Variants in PKNOX2 observed in about 807,000 individuals in gnomAD.
PKNOX2 encodes the protein PBX/knotted 1 homeobox 2.
In PKNOX2, 14 loss-of-function variants were observed where a neutral mutation model predicts 53.1. The ratio of observed to expected loss-of-function variants is 0.26; its 90% CI spans 0.17 to 0.41. PKNOX2 has a LOEUF of 0.41. PKNOX2 is among the 10% of genes least tolerant of loss of function. The pLI is 1.00. For missense variants in PKNOX2, 496 were observed against 602.8 expected, an observed-to-expected ratio of 0.82 and a Z score of 1.85; for synonymous variants, 257 against 242.8, an observed-to-expected ratio of 1.06 and a Z score of -0.54.
intron 7 of PKNOX2, among the ~76,000 whole-genome samples, chr11:125,399,813 A>G (rs1954627960): frequency 6.6e-6 from 1 of 152,178 alleles, no homozygotes; most frequent in Non-Finnish European, 1.5e-5. Flanking sequence ...GGGGGAAGGA[A>G]GGAGGGGCAG....
At chr11:125,304,636 C>G (rs1422368632) in intron 2 of PKNOX2, among the ~76,000 whole-genome samples, 1 of 152,150 alleles carries the variant, frequency 6.6e-6, no homozygotes, top group Non-Finnish European at 1.5e-5. Context: ...CATTTTATAT[C>G]AAGAGACTTG....
At chr11:125,336,355 T>C (rs1950431219) in intron 3 of PKNOX2, among the ~76,000 whole-genome samples, 1 of 152,032 alleles carries the variant, frequency 6.6e-6, no homozygotes, top group Non-Finnish European at 1.5e-5. Flanking sequence ...GTTTATCTAT[T>C]TATCTATTAA....
At chr11:125,310,955 A>AT (rs1005369001) in intron 2 of PKNOX2, among the ~76,000 whole-genome samples, 5 of 151,528 alleles carry the variant, frequency 3.3e-5, no homozygotes, top group South Asian at 2.1e-4. Flanking sequence ...TCAATCCCTA[A>AT]TTTTTTTTTC....
intron 2 of PKNOX2, among the ~76,000 whole-genome samples, chr11:125,325,251 T>G (rs1489964007): frequency 6.6e-6 from 1 of 152,222 alleles, no homozygotes; most frequent in Non-Finnish European, 1.5e-5. Context: ...GTTCTTTCCC[T>G]CATTTAATAG....
chr11:125,367,803 C>T, intron 4 of PKNOX2, 43 bp from the exon 5 acceptor site: 1 of 1,591,816 alleles, frequency 6.3e-7, no homozygotes, highest in Middle Eastern at 2.3e-4. Context: ...GACCAGCACC[C>T]TGGCCATGCT....
intron 2 of PKNOX2, among the ~76,000 whole-genome samples, chr11:125,300,601 C>G (rs946097286): frequency 1.3e-5 from 2 of 151,572 alleles, no homozygotes; most frequent in Admixed American, 6.6e-5. Context: ...CAGAGAGAGA[C>G]AGAAAGAGAG....
chr11:125,264,140 G>A (rs1392634075), intron 2 of PKNOX2, among the ~76,000 whole-genome samples: 1 of 152,186 alleles, frequency 6.6e-6, no homozygotes, highest in Non-Finnish European at 1.5e-5. Flanking sequence ...GGAATCCTTA[G>A]AGGTGAAGAT....
At chr11:125,271,467 C>T (rs1454687712) in intron 2 of PKNOX2, among the ~76,000 whole-genome samples, 3 of 152,186 alleles carry the variant, frequency 2.0e-5, no homozygotes, top group African/African-American at 7.2e-5. Flanking sequence ...GGGTTTCTTC[C>T]CTACCTCCAT....
At chr11:125,251,045 G>A (rs963301803) in intron 2 of PKNOX2, among the ~76,000 whole-genome samples, 2 of 152,204 alleles carry the variant, frequency 1.3e-5, no homozygotes, top group African/African-American at 4.8e-5. Flanking sequence ...GGCTGCGGGC[G>A]CCCCTCCACC....
At chr11:125,180,656 CT>C (rs5795446) in intron 1 of PKNOX2, among the ~76,000 whole-genome samples, 62,945 of 151,958 alleles carry the variant, frequency 0.41, 13,089 homozygotes, top group East Asian at 0.46. Context: ...GAAGCTTTGG[CT>C]TTTTTTGCAT....
intron 1 of PKNOX2, among the ~76,000 whole-genome samples, chr11:125,195,120 C>G (rs139258604): frequency 6.6e-6 from 1 of 152,294 alleles, no homozygotes; most frequent in African/African-American, 2.4e-5. Flanking sequence ...GAACTCTTAA[C>G]CACTCCACAA....
chr11:125,298,251 C>T (rs1565490814), intron 2 of PKNOX2, among the ~76,000 whole-genome samples: 1 of 152,186 alleles, frequency 6.6e-6, no homozygotes, highest in African/African-American at 2.4e-5. Context: ...ATAGGATGCT[C>T]TTAAAGCTGG....
intron 5 of PKNOX2, among the ~76,000 whole-genome samples, chr11:125,372,817 C>T (rs977109642): frequency 6.6e-6 from 1 of 152,252 alleles, no homozygotes; most frequent in Non-Finnish European, 1.5e-5. Flanking sequence ...TTCATTCTGT[C>T]AGTCTCATCT....
At chr11:125,179,254 T>G (rs1956013553) in intron 1 of PKNOX2, among the ~76,000 whole-genome samples, 1 of 152,190 alleles carries the variant, frequency 6.6e-6, no homozygotes, top group South Asian at 2.1e-4. Context: ...CTGTTAGGGT[T>G]CACAGTTAGA....
At position 125,215,658 on chromosome 11, in the gene PKNOX2, AG is replaced by A. The variant is rs534608290; in HGVS notation, c.-200-19385del. Among the ~76,000 whole-genome samples the A allele has an allele frequency of 6.1e-3, 911 of 150,242 alleles. 13 individuals carry two copies. The highest frequency in any genetic ancestry group is 0.021 in the African/African-American group (869 of 41,378). Reference sequence around the variant, plus strand: ...TCCCAGCTACTAGGGAAGCTGAGGCAGGAGAATCACTTGAACCTGGGAGGCA... The same window carrying A: ...TCCCAGCTACTAGGGAAGCTGAGGCAGAGAATCACTTGAACCTGGGAGGCA... On this transcript the variant is annotated intron_variant, in intron 1 of 12. Transcript: ENST00000298282.
At chr11:125,384,264 C>T (rs371769378) in intron 5 of PKNOX2, among the ~76,000 whole-genome samples, 7 of 152,204 alleles carry the variant, frequency 4.6e-5, no homozygotes, top group Admixed American at 4.6e-4. Context: ...CCTCATGTAG[C>T]TCACAGTCTA....
At chr11:125,188,173 G>A (rs1348798587) in intron 1 of PKNOX2, 1 of 152,186 alleles carries the variant, frequency 6.6e-6, no homozygotes, top group African/African-American at 2.4e-5. Context: ...GTGTTCATAG[G>A]AAGTTAGGTG....
intron 2 of PKNOX2, among the ~76,000 whole-genome samples, chr11:125,294,444 A>G (rs560596189): frequency 6.6e-6 from 1 of 152,342 alleles, no homozygotes; most frequent in African/African-American, 2.4e-5. Context: ...TGAGTAGAGA[A>G]GGTGGGAGAA....
At chr11:125,237,426 C>T (rs981449425) in intron 2 of PKNOX2, among the ~76,000 whole-genome samples, 1 of 152,152 alleles carries the variant, frequency 6.6e-6, no homozygotes, top group Non-Finnish European at 1.5e-5. Context: ...ATTGAAAGAA[C>T]AGGATGAAGA....
Sources: gnomAD v4.1 joint callset for allele counts (sites outside exome capture counted in the v4.1 genomes callset) on GRCh38, gnomAD v4.1.1 for gene constraint, MANE v1.5 for transcripts, NCBI Gene and HGNC (gene_info 2026-07-23, HGNC 2026-07-21) for gene names.